PRPSAP2: variants seen among roughly 807,000 people sequenced by gnomAD.
PRPSAP2 encodes the protein phosphoribosyl pyrophosphate synthase-associated protein 2.
In PRPSAP2, 24 loss-of-function variants were observed where a neutral mutation model predicts 40.6. That is an observed-to-expected ratio of 0.59 (90% CI 0.43 to 0.83). The LOEUF (loss-of-function observed/expected upper bound fraction) is 0.83. Ranked by LOEUF, PRPSAP2 falls within the 40% of genes least tolerant of loss-of-function variation. PRPSAP2 has a pLI of 0.00. For synonymous variants in PRPSAP2, 149 were observed against 164.7 expected (o/e 0.90, Z 0.73); for missense variants, 292 against 465.6 (o/e 0.63, Z 3.43).
At chr17:18,875,074 T>G (rs1373873062) in intron 5 of PRPSAP2, among the ~76,000 whole-genome samples, 1 of 152,188 alleles carries the variant, frequency 6.6e-6, no homozygotes, top group Non-Finnish European at 1.5e-5. Context: ...TCAATACTTA[T>G]CCTGTGCCCC....
chr17:18,866,017 A>G (rs533463778), intron 3 of PRPSAP2, 65 bp downstream of exon 3: 10 of 1,150,156 alleles, frequency 8.7e-6, no homozygotes, highest in African/African-American at 3.2e-5. Context: ...TGATAATCAG[A>G]TTAGCAGTTA....
At chr17:18,865,611 T>C (rs2037370692) in intron 2 of PRPSAP2, 47 bp downstream of exon 2, 1 of 230,808 alleles carries the variant, frequency 4.3e-6, no homozygotes. Context: ...CATGTGATAA[T>C]GTATTTCCAT....
chr17:18,930,146 G>A (rs1157214095), intron 11 of PRPSAP2, among the ~76,000 whole-genome samples: 1 of 152,218 alleles, frequency 6.6e-6, no homozygotes, highest in African/African-American at 2.4e-5. Context: ...GCCGAGGCCG[G>A]TGGATCATGA....
At chr17:18,860,320 T>C (rs965278209) in intron 1 of PRPSAP2, among the ~76,000 whole-genome samples, 1 of 152,194 alleles carries the variant, frequency 6.6e-6, no homozygotes, top group African/African-American at 2.4e-5. Flanking sequence ...CCTCCCAAAG[T>C]GCTGGGATTA....
intron 9 of PRPSAP2, among the ~76,000 whole-genome samples, chr17:18,913,131 C>T (rs542888010): frequency 3.2e-4 from 49 of 152,318 alleles, no homozygotes; most frequent in African/African-American, 1.2e-3. Context: ...GGTCTTGCCC[C>T]ACAACTCCAC....
At chr17:18,899,037 T>G (rs572340975) in intron 8 of PRPSAP2, among the ~76,000 whole-genome samples, 2 of 152,256 alleles carry the variant, frequency 1.3e-5, no homozygotes, top group Admixed American at 1.3e-4. Context: ...CCCAAGTAGC[T>G]GGGATTACAG....
rs1403383683 is a variant in PRPSAP2, at chr17:18,906,826, C to T, written c.585-4277C>T. Among the ~76,000 whole-genome samples, 4 of 152,112 alleles carry T rather than the reference C, an allele frequency of 2.6e-5. No individual in the cohort carries two copies. In the East Asian group the frequency reaches 5.8e-4, roughly 22 times the overall value. ...CCTCCCAAAGTGCTGGGATTACAGG[C>T]GTGAGCTGCCGTGCCCAGCCAAATT... On this transcript the variant is annotated intron_variant, in intron 8 of 11. Transcript: ENST00000268835.
intron 9 of PRPSAP2, among the ~76,000 whole-genome samples, chr17:18,915,421 G>A (rs1042970369): frequency 8.5e-5 from 13 of 152,264 alleles, no homozygotes; most frequent in Admixed American, 3.9e-4. Context: ...TTCTGAGCCT[G>A]TCTTAGTCTG....
upstream of PRPSAP2, chr17:18,858,098 T>TCCCGCCCCCGCCCCGCCCCCGCC (rs758419160): frequency 2.6e-5 from 4 of 151,562 alleles, no homozygotes; most frequent in Admixed American, 2.6e-4. Flanking sequence ...CGGGCTCTAG[T>TCCCGCCCCCGCCCCGCCCCCGCC]CCCGCCCTCG....
intron 9 of PRPSAP2, among the ~76,000 whole-genome samples, chr17:18,915,802 A>G (rs528332958): frequency 1.4e-4 from 22 of 151,824 alleles, no homozygotes; most frequent in African/African-American, 4.8e-4. Context: ...CCACCTCTCA[A>G]TAGCGCACAC....
intron 9 of PRPSAP2, among the ~76,000 whole-genome samples, chr17:18,916,938 G>T (rs1030527411): frequency 6.6e-6 from 1 of 152,192 alleles, no homozygotes; most frequent in Non-Finnish European, 1.5e-5. Context: ...ATCACATTGG[G>T]TATTAAGTTC....
At chr17:18,928,552 T>A in intron 10 of PRPSAP2, 1 of 460,028 alleles carries the variant, frequency 2.2e-6, no homozygotes, top group South Asian at 1.9e-5. Context: ...AAAACAGTGC[T>A]ACCCCTGGGA....
intron 7 of PRPSAP2, among the ~76,000 whole-genome samples, chr17:18,884,635 T>A (rs2039000815): frequency 6.6e-6 from 1 of 152,176 alleles, no homozygotes; most frequent in Admixed American, 6.5e-5. Context: ...CCACTGTGCC[T>A]GGCCTAATTT....
At chr17:18,868,951 C>T (rs1249362943) in intron 4 of PRPSAP2, among the ~76,000 whole-genome samples, 1 of 152,086 alleles carries the variant, frequency 6.6e-6, no homozygotes, top group Non-Finnish European at 1.5e-5. Flanking sequence ...TGTTTATCTC[C>T]GTTCCTGCCT....
At chr17:18,875,035 G>A (rs553706246) in intron 5 of PRPSAP2, among the ~76,000 whole-genome samples, 1 of 152,260 alleles carries the variant, frequency 6.6e-6, no homozygotes, top group South Asian at 2.1e-4. Context: ...TCATTTTCAA[G>A]TCCTTCTGGT....
At chr17:18,919,003 G>A (rs542270074) in intron 9 of PRPSAP2, among the ~76,000 whole-genome samples, 36 of 152,236 alleles carry the variant, frequency 2.4e-4, no homozygotes, top group South Asian at 1.9e-3. Context: ...TCTGTTGTGC[G>A]TTATTGCTCT....
Position 18,865,892 on chromosome 17 carries a change from TG to T in PRPSAP2, c.61del (p.Val21CysfsTer22). On this transcript the variant is annotated frameshift_variant, in exon 3 of 12. Transcript: ENST00000268835. LOFTEE classifies it high-confidence loss of function. ...ETKMNITKGG[L>X]VLFSANSNSS... ...AAGATGAACATAACCAAAGGTGGTC[TG>T]GTGTTGTTTTCAGCAAACTCGAATT... 6.5e-7 allele frequency: 1 copy of T among 1,545,072 alleles called. No individual in the cohort carries two copies.
intron 6 of PRPSAP2, among the ~76,000 whole-genome samples, chr17:18,878,528 G>A (rs552431839): frequency 1.6e-4 from 24 of 152,140 alleles, no homozygotes; most frequent in Admixed American, 3.9e-4. Context: ...GTGTGTGTGC[G>A]CGCTTGTATA....
chr17:18,870,895 C>A (rs1459269485), intron 4 of PRPSAP2, among the ~76,000 whole-genome samples: 1 of 151,966 alleles, frequency 6.6e-6, no homozygotes, highest in Non-Finnish European at 1.5e-5. Context: ...AAGTGATCTG[C>A]CCGCCTTGGC....
Sources: gnomAD v4.1 joint callset for allele counts (sites outside exome capture counted in the v4.1 genomes callset) on GRCh38, gnomAD v4.1.1 for gene constraint, MANE v1.5 for transcripts, NCBI Gene and HGNC (gene_info 2026-07-23, HGNC 2026-07-21) for gene names.